The following NCBP1 variants were observed in gnomAD, a reference collection of about 807,000 sequenced individuals.
NCBP1 encodes the protein nuclear cap binding protein subunit 1.
A neutral mutation model predicts 111.7 loss-of-function variants in NCBP1; 16 were observed. The ratio of observed to expected loss-of-function variants is 0.14; its 90% CI spans 0.10 to 0.22. The LOEUF (loss-of-function observed/expected upper bound fraction) is 0.22. Ranked by LOEUF, NCBP1 falls within the 10% of genes least tolerant of loss-of-function variation. The pLI is 1.00. For missense variants in NCBP1, 607 were observed against 957.5 expected (o/e 0.63, Z 4.83); for synonymous variants, 304 against 314.3 (o/e 0.97, Z 0.35).
intron 1 of NCBP1, among the ~76,000 whole-genome samples, chr9:97,640,015 A>G (rs1220092553): frequency 6.6e-6 from 1 of 152,220 alleles, no homozygotes; most frequent in Non-Finnish European, 1.5e-5. Context: ...AAAGCTAGTT[A>G]AAGCAGGAAT....
rs1347420902 is a variant in NCBP1 at position 97,669,629 on chromosome 9, T to C, written c.2182T>C (p.Cys728Arg). 5 of 1,612,900 alleles carry C rather than the reference T, an allele frequency of 3.1e-6. No homozygotes were observed. The highest frequency in any genetic ancestry group is 1.1e-5 in the South Asian group (1 of 91,058). ...IMILTEHLVRCETDGTSVLTP... is the reference protein window; with the variant it reads ...IMILTEHLVRRETDGTSVLTP... ...GATCTTGACCGAGCACCTAGTACGATGCGAAACTGATGGGACCAGTGTATT... is the reference window on the plus strand; with the variant it reads ...GATCTTGACCGAGCACCTAGTACGACGCGAAACTGATGGGACCAGTGTATT... The change falls in exon 22 of 23, where the codon TGC becomes CGC. Residue 728 changes from cysteine (C) to arginine (R), a missense_variant. Physicochemically the swap from Cys to Arg is radical, Grantham distance 180. This residue lies in a region of NCBP1 where 282 missense variants were observed against 376.5 expected (regional missense o/e 0.75). Coordinates refer to ENST00000375147, the MANE Select transcript of NCBP1 (RefSeq NM_002486.5).
Position 97,671,172 on chromosome 9 carries a change from C to T in NCBP1, c.2346C>T (p.Phe782=), listed in dbSNP as rs1384425121. The change falls in exon 23 of 23, where the codon TTC becomes TTT. Residue 782 remains phenylalanine, a synonymous_variant. Transcript: ENST00000375147. Reference sequence around the variant, plus strand: ...TAGACCCTCATATCTTGGCCGTGTTCCAGCAGTTCTGTGCCCTGCAGGCCT... The same window carrying T: ...TAGACCCTCATATCTTGGCCGTGTTTCAGCAGTTCTGTGCCCTGCAGGCCT... ...AELDPHILAV[F]QQFCALQA 1 of 1,612,746 alleles carries T rather than the reference C, an allele frequency of 6.2e-7. No individual in the cohort carries two copies. Among genetic ancestry groups the T allele is most frequent in the South Asian group, 1.1e-5 (1 of 91,044 alleles).
At chr9:97,665,672 C>CT (rs1221034397) in intron 19 of NCBP1, among the ~76,000 whole-genome samples, 2 of 152,134 alleles carry the variant, frequency 1.3e-5, no homozygotes, top group Non-Finnish European at 2.9e-5. Flanking sequence ...TCCACTTAAA[C>CT]TATTATTTGG....
chr9:97,651,509 A>G (rs1314661486), intron 10 of NCBP1, 136 bp downstream of exon 10: 3 of 799,754 alleles, frequency 3.8e-6, no homozygotes, highest in Non-Finnish European at 1.8e-6. Context: ...AATAGAAGCA[A>G]GGAAATTGCT....
chr9:97,657,106 A>T (rs1339431052), intron 14 of NCBP1, among the ~76,000 whole-genome samples: 1 of 152,150 alleles, frequency 6.6e-6, no homozygotes, highest in Non-Finnish European at 1.5e-5. Flanking sequence ...AGCTGGGACT[A>T]CAGGCGCCCG....
At chr9:97,668,408 AATT>A (rs1255674155) in intron 20 of NCBP1, among the ~76,000 whole-genome samples, 2 of 152,248 alleles carry the variant, frequency 1.3e-5, no homozygotes, top group African/African-American at 2.4e-5. Context: ...GCCCACTTTG[AATT>A]ATTATATGTC....
chr9:97,655,898 A>C, intron 13 of NCBP1, 113 bp from the exon 14 acceptor site: 1 of 1,331,808 alleles, frequency 7.5e-7, no homozygotes, highest in Non-Finnish European at 1.0e-6. Context: ...TACAAGTGCA[A>C]TTATAACTTA....
At chr9:97,635,715 C>T (rs1827002111) in intron 1 of NCBP1, 2 of 152,044 alleles carry the variant, frequency 1.3e-5, no homozygotes, top group Non-Finnish European at 2.9e-5. Flanking sequence ...AGCTACTGCG[C>T]CCGCCGATAA....
chr9:97,653,766 G>C, intron 10 of NCBP1, 32 bp from the exon 11 acceptor site: 1 of 1,533,574 alleles, frequency 6.5e-7, no homozygotes. Context: ...GATAGCAGTT[G>C]GATTGAATTG....
intron 16 of NCBP1, among the ~76,000 whole-genome samples, chr9:97,661,656 G>T (rs1827838161): frequency 6.6e-6 from 1 of 151,152 alleles, no homozygotes; most frequent in Non-Finnish European, 1.5e-5. Flanking sequence ...TAGAGAAAAT[G>T]AGTTTAGAAA....
chr9:97,666,907 A>G (rs772600933), intron 20 of NCBP1, 30 bp downstream of exon 20: 2 of 1,426,966 alleles, frequency 1.4e-6, no homozygotes, highest in South Asian at 2.6e-5. Context: ...GTAAGTAGTT[A>G]AAGAAAATAT....
chr9:97,635,410 C>T (rs1587991284), intron 1 of NCBP1, among the ~76,000 whole-genome samples: 1 of 134,296 alleles, frequency 7.4e-6, no homozygotes, highest in East Asian at 2.0e-4. Context: ...ATACAATTCC[C>T]TCCCTTTTTT....
At chr9:97,666,735 C>G (rs759037069) in intron 19 of NCBP1, 28 bp from the exon 20 acceptor site, 12 of 1,423,696 alleles carry the variant, frequency 8.4e-6, no homozygotes, top group Non-Finnish European at 1.2e-5. Flanking sequence ...GCTTGACATA[C>G]AGTAACCAAA....
Position 97,648,139 on chromosome 9 carries a change from T to C in NCBP1, c.813T>C (p.Phe271=). 1 of 1,614,186 alleles carries C rather than the reference T, an allele frequency of 6.2e-7. No individual in the cohort carries two copies. Among genetic ancestry groups the C allele is most frequent in the Non-Finnish European group, 8.5e-7 (1 of 1,180,036 alleles). The part of the protein sequence containing the change: ...CEALQHNLPP[F]TPPPHTEDSV... ...CACTGCAGCACAATCTGCCTCCTTT[T>C]ACACCACCTCCTCACACTGAAGATT... Residue 271 remains phenylalanine, a synonymous_variant, in exon 8 of 23, where the codon TTT becomes TTC. Coordinates refer to ENST00000375147, the MANE Select transcript of NCBP1 (RefSeq NM_002486.5).
At chr9:97,663,191 A>G in intron 18 of NCBP1, 144 bp downstream of exon 18, 5 of 639,136 alleles carry the variant, frequency 7.8e-6, no homozygotes, top group Non-Finnish European at 1.4e-5. Flanking sequence ...TTTCAGTGCT[A>G]TGGGAGTAAT....
At chr9:97,642,353 A>G (rs1479296779) in intron 3 of NCBP1, among the ~76,000 whole-genome samples, 1 of 152,042 alleles carries the variant, frequency 6.6e-6, no homozygotes, top group Non-Finnish European at 1.5e-5. Context: ...GGAGGGTTTC[A>G]GGGACCACAG....
chr9:97,644,706 A>G (rs1827286484), intron 4 of NCBP1, among the ~76,000 whole-genome samples: 1 of 152,190 alleles, frequency 6.6e-6, no homozygotes. Context: ...ATATTTTACA[A>G]TCTGGATTCT....
At chr9:97,658,021 C>G (rs1827721036) in intron 14 of NCBP1, among the ~76,000 whole-genome samples, 1 of 150,374 alleles carries the variant, frequency 6.7e-6, no homozygotes, top group Non-Finnish European at 1.5e-5. Context: ...TTTTCTTGCC[C>G]TATCACTGGA....
chr9:97,658,589 A>C, intron 14 of NCBP1, 51 bp from the exon 15 acceptor site: 1 of 1,406,500 alleles, frequency 7.1e-7, no homozygotes, highest in Non-Finnish European at 1.0e-6. Context: ...GGTGTTACCG[A>C]AGAATGGGAC....
Sources: allele counts gnomAD v4.1 joint callset (sites outside exome capture counted in the v4.1 genomes callset), GRCh38; gene constraint gnomAD v4.1.1; regional missense constraint gnomAD v4.1.1; transcripts MANE v1.5; gene names NCBI Gene and HGNC (gene_info 2026-07-23, HGNC 2026-07-21).